RAPGEF2: variants seen among roughly 807,000 people sequenced by gnomAD.
RAPGEF2 encodes PDZ domain containing guanine nucleotide exchange factor (GEF) 1.
RAPGEF2 carries 54 observed loss-of-function variants against 186.7 expected under a neutral mutation model. The observed-to-expected ratio is 0.29, with a 90% CI of 0.23 to 0.36. RAPGEF2 has a LOEUF of 0.36. Ranked by LOEUF, RAPGEF2 falls within the 10% of genes least tolerant of loss-of-function variation. The probability of loss-of-function intolerance (pLI) is 1.00; values close to 1 mark genes in which losing one functional copy is unlikely to be tolerated. For synonymous variants in RAPGEF2, 712 were observed against 705.9 expected, an observed-to-expected ratio of 1.01 and a Z score of -0.14; for missense variants, 1,532 against 2,045.0, an observed-to-expected ratio of 0.75 and a Z score of 4.84.
chr4:159,146,354 CTTTTTTCTTTTTTT>C (rs954022882), intron 1 of RAPGEF2, among the ~76,000 whole-genome samples: 1 of 148,088 alleles, frequency 6.8e-6, no homozygotes, highest in African/African-American at 2.5e-5. Flanking sequence ...AGCATGTAAG[CTTTTTTCTTTTTTT>C]TTTTTTCTTT....
At chr4:159,329,165 A>G (rs1222328503) in intron 11 of RAPGEF2, 1 of 152,136 alleles carries the variant, frequency 6.6e-6, no homozygotes, top group Non-Finnish European at 1.5e-5. Context: ...ACTTCTAAGA[A>G]ATGTAATTTC....
intron 9 of RAPGEF2, among the ~76,000 whole-genome samples, chr4:159,321,861 A>T (rs1341378188): frequency 6.8e-6 from 1 of 146,532 alleles, no homozygotes; most frequent in Non-Finnish European, 1.5e-5. Flanking sequence ...TAATTTTTTA[A>T]TTGATCTTTT....
Position 159,345,306 on chromosome 4 carries a change from A to T in RAPGEF2, c.3479A>T (p.Gln1160Leu), listed in dbSNP as rs770604725. 1 of 1,614,154 alleles carries T rather than the reference A, an allele frequency of 6.2e-7. No homozygotes were observed. Among genetic ancestry groups the T allele is most frequent in the South Asian group, 1.1e-5 (1 of 91,092 alleles). The change falls in exon 24 of 30, where the codon CAG becomes CTG. Residue 1160 changes from glutamine (Q) to leucine (L), a missense_variant. Physicochemically the swap from Gln to Leu is moderately radical, Grantham distance 113. This residue lies in a region of RAPGEF2 where 117 missense variants were observed against 180.8 expected (regional missense o/e 0.65). Coordinates refer to ENST00000691494, the MANE Select transcript of RAPGEF2 (RefSeq NM_001394067.2). Reference protein sequence around the residue: ...DEESLQTLSLQCEPATNTLPK... With the variant: ...DEESLQTLSLLCEPATNTLPK... The stretch of plus-strand genomic sequence containing the variant: ...GAGAGTCTTCAGACATTATCTCTGC[A>T]GTGTGAGCCAGCAACCAACACATGT...
chr4:159,176,908 C>T (rs559604576), intron 1 of RAPGEF2, among the ~76,000 whole-genome samples: 23 of 152,218 alleles, frequency 1.5e-4, no homozygotes, highest in Middle Eastern at 6.8e-3. Context: ...GGAAGGTAAA[C>T]TTACATTAGA....
chr4:159,206,754 T>C (rs987962549), intron 3 of RAPGEF2, among the ~76,000 whole-genome samples: 11 of 152,194 alleles, frequency 7.2e-5, no homozygotes, highest in Admixed American at 2.0e-4. Context: ...GGGAATTTTC[T>C]AGACTAGTAA....
intron 17 of RAPGEF2, among the ~76,000 whole-genome samples, chr4:159,334,494 C>G (rs904828186): frequency 6.6e-6 from 1 of 152,108 alleles, no homozygotes; most frequent in Non-Finnish European, 1.5e-5. Context: ...AATGATCCAC[C>G]CACCTGGGCT....
At position 159,350,183 on chromosome 4, in the gene RAPGEF2, A is replaced by G. The variant is rs766082109; in HGVS notation, c.3759A>G (p.Glu1253=). 12 of 1,587,800 alleles carry G rather than the reference A, an allele frequency of 7.6e-6. No homozygotes were observed. The highest frequency in any genetic ancestry group is 1.0e-5 in the Non-Finnish European group (12 of 1,166,698). ...TAAAAAAAATTCTTTCTTTGTCTGAAGAAGGAAGTTTGGAACGTCACAAGA... is the reference window on the plus strand; with the variant it reads ...TAAAAAAAATTCTTTCTTTGTCTGAGGAAGGAAGTTTGGAACGTCACAAGA... ...QALKKILSLS[E]EGSLERHKKQ... is the part of the protein sequence containing the mutation. Residue 1253 remains glutamate (E), a synonymous_variant, in exon 26 of 30, where the codon GAA becomes GAG. Coordinates refer to ENST00000691494, the MANE Select transcript of RAPGEF2 (RefSeq NM_001394067.2).
chr4:159,278,747 G>A (rs1048305356), intron 7 of RAPGEF2, among the ~76,000 whole-genome samples: 5 of 152,204 alleles, frequency 3.3e-5, no homozygotes, highest in African/African-American at 1.2e-4. Flanking sequence ...CCCTGGCTGT[G>A]TGGTCTTTTA....
Position 159,210,529 on chromosome 4 carries a change from T to C in RAPGEF2, c.227T>C (p.Ile76Thr). The change falls in exon 4 of 30, where the codon ATC (isoleucine) becomes ACC (threonine). Residue 76 changes from isoleucine (I) to threonine (T), a missense_variant. Transcript: ENST00000691494. Reference protein sequence around the residue: ...YPDDIGTCWYILLSGSVFIKE... With the variant: ...YPDDIGTCWYTLLSGSVFIKE... ...GATGATATTGGGACCTGCTGGTATATCCTTCTTTCTGGTTCCGTGTTCATC... is the reference window on the plus strand; with the variant it reads ...GATGATATTGGGACCTGCTGGTATACCCTTCTTTCTGGTTCCGTGTTCATC... 1 of 1,534,976 alleles carries C rather than the reference T, an allele frequency of 6.5e-7. No homozygotes were observed. The highest frequency in any genetic ancestry group is 1.4e-5 in the African/African-American group (1 of 73,136).
intron 1 of RAPGEF2, among the ~76,000 whole-genome samples, chr4:159,150,793 A>G (rs1362698551): frequency 4.6e-5 from 7 of 152,216 alleles, no homozygotes; most frequent in Non-Finnish European, 1.0e-4. Flanking sequence ...TCCTTGAATA[A>G]TGAGGATCCA....
chr4:159,306,467 G>A (rs1396677691), intron 8 of RAPGEF2, among the ~76,000 whole-genome samples: 2 of 152,062 alleles, frequency 1.3e-5, no homozygotes, highest in Non-Finnish European at 2.9e-5. Context: ...ACTGATTTGT[G>A]CATATTGATT....
At chr4:159,202,230 C>T (rs770973175) in intron 3 of RAPGEF2, among the ~76,000 whole-genome samples, 5 of 152,172 alleles carry the variant, frequency 3.3e-5, no homozygotes, top group Non-Finnish European at 7.3e-5. Flanking sequence ...GGAGCTTCCT[C>T]ACTCCCCTGG....
intron 7 of RAPGEF2, among the ~76,000 whole-genome samples, chr4:159,257,698 T>C (rs941174313): frequency 6.6e-6 from 1 of 152,236 alleles, no homozygotes; most frequent in African/African-American, 2.4e-5. Context: ...GTTTTCCTCA[T>C]TGCTTATGTC....
chr4:159,348,740 T>TC, intron 25 of RAPGEF2, among the ~76,000 whole-genome samples: 1 of 152,176 alleles, frequency 6.6e-6, no homozygotes, highest in Non-Finnish European at 1.5e-5. Flanking sequence ...TAAAGCTCTA[T>TC]CCCCCATGTT....
chr4:159,115,643 C>G (rs1166370740), intron 1 of RAPGEF2, among the ~76,000 whole-genome samples: 1 of 151,782 alleles, frequency 6.6e-6, no homozygotes, highest in Non-Finnish European at 1.5e-5. Context: ...AATATTTGGT[C>G]AAATTGTTAA....
At chr4:159,322,203 C>T (rs1765319128) in intron 9 of RAPGEF2, 144 bp from the exon 10 acceptor site, 2 of 594,016 alleles carry the variant, frequency 3.4e-6, no homozygotes, top group Admixed American at 3.0e-5. Context: ...AGAAATTCAG[C>T]TGGTGCTAAA....
chr4:159,279,835 C>T (rs1759452526), intron 7 of RAPGEF2, among the ~76,000 whole-genome samples: 1 of 152,046 alleles, frequency 6.6e-6, no homozygotes, highest in South Asian at 2.1e-4. Context: ...CGTATCACCA[C>T]ACCCAGCTAA....
chr4:159,304,576 T>C (rs1763056926), intron 8 of RAPGEF2, 103 bp downstream of exon 8: 2 of 1,083,436 alleles, frequency 1.8e-6, no homozygotes, highest in East Asian at 2.6e-5. Context: ...ATGTGTATAT[T>C]ACATGTGCAT....
intron 17 of RAPGEF2, among the ~76,000 whole-genome samples, chr4:159,337,910 A>AAAAAAAAAAAAAAAAAAAAAAAAAC (rs1767681602): frequency 7.0e-6 from 1 of 143,108 alleles, no homozygotes; most frequent in African/African-American, 2.7e-5. Context: ...AAAAAAAAAA[A>AAAAAAAAAAAAAAAAAAAAAAAAAC]AAAGAAAGAA....
Sources: allele counts gnomAD v4.1 joint callset (sites outside exome capture counted in the v4.1 genomes callset), GRCh38; gene constraint gnomAD v4.1.1; regional missense constraint gnomAD v4.1.1; transcripts MANE v1.5; gene names NCBI Gene and HGNC (gene_info 2026-07-23, HGNC 2026-07-21).